ZER1: variants seen among roughly 807,000 people sequenced by gnomAD.
ZER1 encodes protein zer-1 homolog.
A neutral mutation model predicts 78.8 loss-of-function variants in ZER1; 11 were observed. The ratio of observed to expected loss-of-function variants is 0.14; its 90% CI spans 0.09 to 0.23. The LOEUF (loss-of-function observed/expected upper bound fraction) is 0.23, where lower values mean the gene tolerates loss of function less well. Among genes scored for constraint, ZER1 ranks in the 10% least tolerant of loss-of-function variants. The pLI, the probability that ZER1 is intolerant of heterozygous loss-of-function variation, is 1.00. For missense variants in ZER1, 588 were observed against 996.9 expected, an observed-to-expected ratio of 0.59 and a Z score of 5.52; for synonymous variants, 400 against 407.0, an observed-to-expected ratio of 0.98 and a Z score of 0.21.
Position 128,754,908 on chromosome 9 carries a change from C to T in ZER1, c.158+500G>A, listed in dbSNP as rs1390233495. The stretch of plus-strand genomic sequence containing the variant: ...GAGCCCCTAGGAGTGGGGAGGCCCT[C>T]GGAGGGCCATTCAGATTTTCTGGAT... On this transcript the variant is annotated intron_variant, in intron 2 of 15. Coordinates refer to ENST00000291900, the MANE Select transcript of ZER1 (RefSeq NM_006336.4). This position sits in a 1 kb window ranked among gnomAD's most constrained non-coding sequence, Gnocchi z 4.3. Among the ~76,000 whole-genome samples, 4 of 152,108 alleles carry T rather than the reference C, an allele frequency of 2.6e-5. No homozygotes were observed. Among genetic ancestry groups the T allele is most frequent in the Admixed American group, 6.5e-5 (1 of 15,276 alleles).
Position 128,732,133 on chromosome 9 carries a change from T to C in ZER1, c.2244-739A>G, listed in dbSNP as rs998288003. Reference sequence around the variant, plus strand: ...GTCAGTGGACAGGCCGAGGGCCTTCTCCTAAGCATTGTCCAGGGTCATTTA... The same window carrying C: ...GTCAGTGGACAGGCCGAGGGCCTTCCCCTAAGCATTGTCCAGGGTCATTTA... On this transcript the variant is annotated intron_variant, in intron 15 of 15. Transcript: ENST00000291900. This position sits in a 1 kb window ranked among gnomAD's most constrained non-coding sequence, Gnocchi z 4.8. Among the ~76,000 whole-genome samples the C allele has an allele frequency of 6.6e-6, 1 of 152,214 alleles. No individual in the cohort carries two copies. The highest frequency in any genetic ancestry group is 1.5e-5 in the Non-Finnish European group (1 of 68,046).
chr9:128,761,203 A>G (rs1864034412), intron 1 of ZER1, among the ~76,000 whole-genome samples: 1 of 151,754 alleles, frequency 6.6e-6, no homozygotes, highest in South Asian at 2.1e-4. Context: ...TCTACTTCAC[A>G]GGGCTGTGGT....
In ZER1 at chr9:128,731,359, T is replaced by C; in HGVS notation, c.2279A>G (p.Glu760Gly). ...VIEHCSNFKEENMDTSR is the reference protein window; with the variant it reads ...VIEHCSNFKEGNMDTSR ...CCTCTATCTAGACGTGTCCATGTTC[T>C]CCTCTTTAAAGTTACTGCAGTGCTC... The change falls in exon 16 of 16, where the codon GAG (glutamate) becomes GGG (glycine). Residue 760 changes from glutamate (E) to glycine (G), a missense_variant. By Grantham distance (98) the Glu-to-Gly change is moderately conservative. Around this residue, in one of 3 missense-constraint regions of ZER1, gnomAD observed 122 missense variants for 173.5 expected, o/e 0.70. Transcript: ENST00000291900. The C allele has an allele frequency of 2.0e-6, 3 of 1,501,700 alleles. No homozygotes were observed. Among genetic ancestry groups the C allele is most frequent in the Non-Finnish European group, 2.7e-6 (3 of 1,113,984 alleles). The allele number at this position is 1,501,700 out of a possible 1,614,324, so 93.0% of individuals were successfully genotyped here.
chr9:128,760,415 G>A (rs1306383918), intron 1 of ZER1, among the ~76,000 whole-genome samples: 2 of 151,308 alleles, frequency 1.3e-5, no homozygotes, highest in Non-Finnish European at 2.9e-5. Flanking sequence ...TGTTAGCCAG[G>A]ATGGTCTCAA....
Position 128,733,437 on chromosome 9 carries a change from C to T in ZER1, c.2232G>A (p.Lys744=). The T allele has an allele frequency of 6.2e-7, 1 of 1,613,964 alleles. No homozygotes were observed. The highest frequency in any genetic ancestry group is 8.5e-7 in the Non-Finnish European group (1 of 1,179,962). Residue 744 remains lysine (K), a synonymous_variant, in exon 15 of 16, where the codon AAG becomes AAA. Transcript: ENST00000291900. ...TGCTGGTCTCTTACCGGGCCATTTC[C>T]TTGGTCTCCTGCCGTGCGGTCGCCA... is the stretch of plus-strand genomic sequence containing the variant. ...IKMATARQET[K]EMARKVIEHC...
At chr9:128,763,591 G>A (rs896059922) in intron 1 of ZER1, among the ~76,000 whole-genome samples, 16 of 152,234 alleles carry the variant, frequency 1.1e-4, no homozygotes, top group Admixed American at 4.6e-4. Context: ...AGCGCCTGTC[G>A]CGTAACTGGG....
Position 128,731,222 on chromosome 9 carries a change from T to C in ZER1, c.*115A>G. On this transcript the variant is annotated 3_prime_UTR_variant, in exon 16 of 16. Coordinates refer to ENST00000291900, the MANE Select transcript of ZER1 (RefSeq NM_006336.4). ...GCGTCGGTTGTGCAAAAGTCCCCCA[T>C]GTCTCTTCACTCCGTGGGAGGCTCC... is the stretch of plus-strand genomic sequence containing the variant. The C allele has an allele frequency of 1.3e-6, 1 of 796,292 alleles. No homozygotes were observed. Among genetic ancestry groups the C allele is most frequent in the East Asian group, 2.7e-5 (1 of 37,254 alleles). 49.3% of individuals were successfully genotyped at this position (796,292 alleles called of 1,614,324 possible).
chr9:128,734,144 A>AAAAAAAAAATAT, intron 14 of ZER1, among the ~76,000 whole-genome samples: 29 of 14,432 alleles, frequency 2.0e-3, no homozygotes, highest in African/African-American at 5.4e-3. Flanking sequence ...AAAAAAAAAA[A>AAAAAAAAAATAT]ATATATATAT....
At chr9:128,769,075 C>T (rs1415588469) in intron 1 of ZER1, among the ~76,000 whole-genome samples, 3 of 152,122 alleles carry the variant, frequency 2.0e-5, no homozygotes, top group African/African-American at 7.2e-5. Flanking sequence ...CATCACCCTC[C>T]GCTGCTGTCA....
At chr9:128,733,933 T>G (rs1162834554) in intron 14 of ZER1, among the ~76,000 whole-genome samples, 1 of 134,478 alleles carries the variant, frequency 7.4e-6, no homozygotes, top group Non-Finnish European at 1.6e-5. Flanking sequence ...ATCGAGACCA[T>G]CCTGGCTAAC....
chr9:128,735,760 G>GTTTTTTTTTTTTT lies in ZER1; in HGVS notation c.2043-330_2043-329insAAAAAAAAAAAAA. Among the ~76,000 whole-genome samples, 90 of 16,194 alleles carry GTTTTTTTTTTTTT rather than the reference G, an allele frequency of 5.6e-3. 40 individuals are homozygous for GTTTTTTTTTTTTT. Among genetic ancestry groups the GTTTTTTTTTTTTT allele is most frequent in the African/African-American group, 0.014 (82 of 6,066 alleles). The allele number at this position is 16,194 out of a possible 152,430, so 10.6% of individuals were successfully genotyped here. A position where few individuals can be genotyped will look rare whatever the true frequency, so the allele number is the denominator to read the frequency against. ...CTGGGAACAGAAGCACGTGTGACCT[G>GTTTTTTTTTTTTT]GTTTTTTTTTTTTTTTTTTTTTTTT... is the stretch of plus-strand genomic sequence containing the variant. On this transcript the variant is annotated intron_variant, in intron 13 of 15. Coordinates refer to ENST00000291900, the MANE Select transcript of ZER1 (RefSeq NM_006336.4).
At position 128,755,330 on chromosome 9, in the gene ZER1, A is replaced by AAT; in HGVS notation, c.158+77_158+78insAT. On this transcript the variant is annotated intron_variant, in intron 2 of 15. Transcript: ENST00000291900. This position sits in a 1 kb window ranked among gnomAD's most constrained non-coding sequence, Gnocchi z 5.6. ...TCATCTCCATAGCTACTCCCCACAT[A>AAT]GTGCACACACGGTCCCAATCTCTCT... is the stretch of plus-strand genomic sequence containing the variant. 2 of 1,568,372 alleles carry AAT rather than the reference A, an allele frequency of 1.3e-6. No individual in the cohort carries two copies. Among genetic ancestry groups the AAT allele is most frequent in the Middle Eastern group, 1.7e-4 (1 of 5,912 alleles).
intron 14 of ZER1, among the ~76,000 whole-genome samples, chr9:128,733,946 G>A (rs1394380200): frequency 2.3e-5 from 3 of 132,820 alleles, no homozygotes; most frequent in African/African-American, 2.7e-5. Context: ...TGGCTAACAC[G>A]GTGAAACCCC....
intron 4 of ZER1, 144 bp from the exon 5 acceptor site, chr9:128,752,993 C>G: frequency 7.9e-7 from 1 of 1,269,880 alleles, no homozygotes; most frequent in Non-Finnish European, 1.1e-6. Context: ...AAACCCCAAA[C>G]AGCCCCAATC....
rs1863673263 is a variant in ZER1 at position 128,751,374 on chromosome 9, G to C, written c.1038+39C>G. ...GAATCCAGCTCCTTCTCTCTCCCAA[G>C]GCTCCCTGGCCCAGACCCATCCCAC... On this transcript the variant is annotated intron_variant, in intron 6 of 15. Transcript: ENST00000291900. The surrounding 1 kb of genome is among the most constrained non-coding windows in gnomAD (Gnocchi z 5.4). 6.2e-7 allele frequency: 1 copy of C among 1,613,460 alleles called. No homozygotes were observed. The highest frequency in any genetic ancestry group is 1.7e-5 in the Admixed American group (1 of 60,002).
intron 1 of ZER1, among the ~76,000 whole-genome samples, chr9:128,759,162 A>G (rs553078269): frequency 7.3e-5 from 11 of 150,798 alleles, no homozygotes; most frequent in African/African-American, 2.7e-4. Context: ...GCGCCCAGCC[A>G]GTGAATATTG....
In ZER1 at chr9:128,753,888, G is replaced by C. The variant is rs1863772421; in HGVS notation, c.230C>G (p.Pro77Arg). The C allele has an allele frequency of 6.2e-7, 1 of 1,600,934 alleles. No individual in the cohort carries two copies. The highest frequency in any genetic ancestry group is 8.5e-7 in the Non-Finnish European group (1 of 1,174,266). Residue 77 changes from proline (P) to arginine (R), a missense_variant, in exon 3 of 16, where the codon CCC becomes CGC. By Grantham distance (103) the Pro-to-Arg change is moderately radical. This residue lies in a region of ZER1 where 406 missense variants were observed against 660.1 expected (regional missense o/e 0.62). Transcript: ENST00000291900. The surrounding 1 kb of genome is among the most constrained non-coding windows in gnomAD (Gnocchi z 7.5). The part of the protein sequence containing the change: ...HESFFSLFSD[P>R]RSTRLTRIHL... The stretch of plus-strand genomic sequence containing the variant: ...GATCCGCGTGAGGCGGGTGCTGCGG[G>C]GGTCCGAAAAGAGGCTGAAGAAGCT...
intron 1 of ZER1, among the ~76,000 whole-genome samples, chr9:128,758,565 T>G (rs148546118): frequency 2.0e-5 from 3 of 152,120 alleles, no homozygotes; most frequent in African/African-American, 7.2e-5. Flanking sequence ...ACTACAGGCA[T>G]GCATCACCAC....
At chr9:128,769,617 T>C (rs1228376035) in intron 1 of ZER1, among the ~76,000 whole-genome samples, 1 of 152,078 alleles carries the variant, frequency 6.6e-6, no homozygotes, top group East Asian at 1.9e-4. Flanking sequence ...TTTCACCATG[T>C]TGGCCAGGCT....
Sources: allele counts gnomAD v4.1 joint callset (sites outside exome capture counted in the v4.1 genomes callset), GRCh38; gene constraint gnomAD v4.1.1; regional missense constraint gnomAD v4.1.1; non-coding constraint Gnocchi (gnomAD v3.1); transcripts MANE v1.5; gene names NCBI Gene and HGNC (gene_info 2026-07-23, HGNC 2026-07-21).